TRIP12: variants seen among roughly 807,000 people sequenced by gnomAD.
TRIP12 encodes the protein E3 ubiquitin-protein ligase TRIP12.
In TRIP12, 25 loss-of-function variants were observed where a neutral mutation model predicts 244.2. The ratio of observed to expected loss-of-function variants is 0.10; its 90% confidence interval spans 0.07 to 0.14. The LOEUF is 0.14. Among genes scored for constraint, TRIP12 ranks in the 10% least tolerant of loss-of-function variants. The probability of loss-of-function intolerance (pLI) is 1.00; values close to 1 mark genes in which losing one functional copy is unlikely to be tolerated. For missense variants in TRIP12, 1,677 were observed against 2,486.4 expected, an observed-to-expected ratio of 0.67 and a Z score of 6.92; for synonymous variants, 905 against 873.1, an observed-to-expected ratio of 1.04 and a Z score of -0.64.
chr2:229,879,922 G>T (rs919712965), intron 2 of TRIP12, 60 bp downstream of exon 2: 65 of 1,579,030 alleles, frequency 4.1e-5, no homozygotes, highest in Non-Finnish European at 3.1e-5. Flanking sequence ...TCGCAAGGAG[G>T]CTTAAAAATA....
intron 1 of TRIP12, 135 bp from the exon 2 acceptor site, chr2:229,880,263 G>A (rs2064549062): frequency 1.6e-6 from 1 of 608,234 alleles, no homozygotes; most frequent in Non-Finnish European, 2.9e-6. Flanking sequence ...ATGCTGCAAT[G>A]TCTCACTGAA....
intron 34 of TRIP12, among the ~76,000 whole-genome samples, chr2:229,779,543 T>C (rs1412668104): frequency 1.3e-5 from 2 of 152,214 alleles, no homozygotes; most frequent in Non-Finnish European, 2.9e-5. Context: ...TGATAGTACC[T>C]GACACACAGT....
Position 229,812,089 on chromosome 2 carries a change from T to TTTA in TRIP12, c.1987-888_1987-886dup, listed in dbSNP as rs1009744549. Among the ~76,000 whole-genome samples the TTTA allele has an allele frequency of 5.3e-5, 8 of 152,114 alleles. No individual in the cohort carries two copies. In the South Asian group the frequency reaches 1.0e-3, roughly 20 times the overall value. ...ATTATCTCAACTATGTTTTTATTTA[T>TTTA]TTATTATTATTATTTTTGAGACAGA... On this transcript the variant is annotated intron_variant, in intron 13 of 41. Coordinates refer to ENST00000675903, the MANE Select transcript of TRIP12 (RefSeq NM_001348323.3).
intron 1 of TRIP12, among the ~76,000 whole-genome samples, chr2:229,917,274 G>C (rs182862340): frequency 6.6e-6 from 1 of 150,578 alleles, no homozygotes; most frequent in African/African-American, 2.4e-5. Flanking sequence ...CCAGCTACTC[G>C]GGAGGCTGAG....
rs2037032092 is a variant in TRIP12, at chr2:229,778,474, A to G, written c.5323T>C (p.Leu1775=). ...IAKVKMKFRF[L]GKLMAKAIMD... ...ATAGCCTTGGCCATTAATTTTCCTAAGAAGCGAAACTTCATCTTAACCTTT... is the reference window on the plus strand; with the variant it reads ...ATAGCCTTGGCCATTAATTTTCCTAGGAAGCGAAACTTCATCTTAACCTTT... The change falls in exon 36 of 42, where the codon TTA becomes CTA. Residue 1775 remains leucine, a synonymous_variant. Transcript: ENST00000675903. The surrounding 1 kb of genome is among the most constrained non-coding windows in gnomAD (Gnocchi z 4.1). 6.2e-7 allele frequency: 1 copy of G among 1,613,962 alleles called. No homozygotes were observed. Among genetic ancestry groups the G allele is most frequent in the African/African-American group, 1.3e-5 (1 of 74,928 alleles).
At chr2:229,835,706 A>T (rs1192371422) in intron 6 of TRIP12, among the ~76,000 whole-genome samples, 1 of 152,232 alleles carries the variant, frequency 6.6e-6, no homozygotes, top group Non-Finnish European at 1.5e-5. Context: ...TAATTACTGT[A>T]GTGAGTCTAC....
chr2:229,857,751 A>G (rs1165274104), intron 4 of TRIP12, among the ~76,000 whole-genome samples: 1 of 152,224 alleles, frequency 6.6e-6, no homozygotes, highest in African/African-American at 2.4e-5. Flanking sequence ...GTTCCTGGAT[A>G]TCTCCAAAAC....
intron 21 of TRIP12, among the ~76,000 whole-genome samples, chr2:229,801,098 G>T (rs1020614468): frequency 6.6e-6 from 1 of 152,158 alleles, no homozygotes; most frequent in Non-Finnish European, 1.5e-5. Flanking sequence ...TAGGAATGGG[G>T]CTGGGAAGGA....
intron 2 of TRIP12, among the ~76,000 whole-genome samples, chr2:229,861,038 C>G (rs1576226749): frequency 6.6e-6 from 1 of 152,156 alleles, no homozygotes; most frequent in African/African-American, 2.4e-5. Context: ...AATTCTCAAA[C>G]TGATTTTACA....
intron 4 of TRIP12, among the ~76,000 whole-genome samples, chr2:229,841,503 AACTAATGCCTTT>A (rs2056414701): frequency 1.3e-5 from 2 of 152,210 alleles, no homozygotes; most frequent in Non-Finnish European, 2.9e-5. Context: ...TCTGGAAGCT[AACTAATGCCTTT>A]ACAGGTCAAT....
intron 34 of TRIP12, among the ~76,000 whole-genome samples, chr2:229,785,375 G>A (rs2039697365): frequency 6.6e-6 from 1 of 152,176 alleles, no homozygotes; most frequent in Admixed American, 6.5e-5. Context: ...CGTGAAAGTG[G>A]TAACAAATTG....
Position 229,791,884 on chromosome 2 carries a change from G to C in TRIP12, c.4397C>G (p.Thr1466Arg). ...GACTTGCCATATTGTATGAGTCTTT[G>C]TCCAAATACCAGCTCTGCCTAGAGG... ...SNPLGRAGIW[T>R]KTHTIWYKPV... Residue 1466 changes from threonine to arginine, a missense_variant, in exon 29 of 42, where the codon ACA becomes AGA. Physicochemically the swap from Thr to Arg is moderately conservative, Grantham distance 71 (BLOSUM62 -1). This residue lies in a region of TRIP12 where 265 missense variants were observed against 370.8 expected (regional missense o/e 0.71). Transcript: ENST00000675903. The C allele has an allele frequency of 6.2e-7, 1 of 1,613,976 alleles. No individual in the cohort carries two copies. The highest frequency in any genetic ancestry group is 8.5e-7 in the Non-Finnish European group (1 of 1,179,924).
In TRIP12 at chr2:229,808,283, G is replaced by C; in HGVS notation, c.2308C>G (p.Gln770Glu). The C allele has an allele frequency of 6.2e-7, 1 of 1,613,774 alleles. No homozygotes were observed. The highest frequency in any genetic ancestry group is 8.5e-7 in the Non-Finnish European group (1 of 1,179,840). Residue 770 changes from glutamine (Q) to glutamate (E), a missense_variant, in exon 16 of 42, where the codon CAA becomes GAA. Gln to Glu is a conservative substitution (Grantham distance 29, BLOSUM62 2). Coordinates refer to ENST00000675903, the MANE Select transcript of TRIP12 (RefSeq NM_001348323.3). ...AGAGATGTCAGTTCATACAACTCTT[G>C]AGGGCTTCGTGGAACAAGATCAATC... ...EQIDLVPRSPQELYELTSLIC... is the reference protein window; with the variant it reads ...EQIDLVPRSPEELYELTSLIC...
In TRIP12 at chr2:229,766,813, T is replaced by C. The variant is rs911404185; in HGVS notation, c.*741A>G. The C allele has an allele frequency of 5.3e-5, 8 of 152,180 alleles. No homozygotes were observed. Among genetic ancestry groups the C allele is most frequent in the African/African-American group, 1.7e-4 (7 of 41,432 alleles). The allele number at this position is 152,180 out of a possible 1,614,324, so 9.4% of individuals were successfully genotyped here. On this transcript the variant is annotated 3_prime_UTR_variant, in exon 42 of 42. Coordinates refer to ENST00000675903, the MANE Select transcript of TRIP12 (RefSeq NM_001348323.3). The stretch of plus-strand genomic sequence containing the variant: ...GAATTGCCATGTAAACAGTCCTTAG[T>C]GTGTCACCTGGGAAAAAGCCAGTAA...
At chr2:229,776,583 G>A (rs1195227863) in intron 37 of TRIP12, among the ~76,000 whole-genome samples, 2 of 152,066 alleles carry the variant, frequency 1.3e-5, no homozygotes, top group African/African-American at 2.4e-5. Flanking sequence ...ATCAGGAGAG[G>A]TGACACTCTC....
chr2:229,839,217 G>A (rs2055682963), intron 5 of TRIP12, among the ~76,000 whole-genome samples: 1 of 152,186 alleles, frequency 6.6e-6, no homozygotes, highest in Admixed American at 6.5e-5. Flanking sequence ...ACAGTATTCT[G>A]TAAGGTAACG....
At chr2:229,871,208 G>GGAGGA in intron 2 of TRIP12, among the ~76,000 whole-genome samples, 2 of 148,624 alleles carry the variant, frequency 1.3e-5, no homozygotes, top group African/African-American at 5.0e-5. Flanking sequence ...GGAGGGGAGG[G>GGAGGA]GAGGGGACCG....
intron 4 of TRIP12, among the ~76,000 whole-genome samples, chr2:229,853,679 A>AATAC (rs59794043): frequency 0.071 from 10,779 of 151,482 alleles, 454 homozygotes; most frequent in Non-Finnish European, 0.087. Flanking sequence ...AAATAAATAA[A>AATAC]ATACATACAT....
intron 6 of TRIP12, among the ~76,000 whole-genome samples, chr2:229,832,570 G>A (rs1014679683): frequency 6.6e-6 from 1 of 152,120 alleles, no homozygotes; most frequent in East Asian, 1.9e-4. Flanking sequence ...TTATGAAAAC[G>A]CTTACCATAC....
Sources: gnomAD v4.1 joint callset for allele counts (sites outside exome capture counted in the v4.1 genomes callset) on GRCh38, gnomAD v4.1.1 for gene constraint, gnomAD v4.1.1 regional missense constraint, Gnocchi (gnomAD v3.1) non-coding constraint, MANE v1.5 for transcripts, NCBI Gene and HGNC (gene_info 2026-07-23, HGNC 2026-07-21) for gene names.